DMD: variants seen among roughly 807,000 people sequenced by gnomAD.
DMD encodes the protein mutant dystrophin.
DMD carries 63 observed loss-of-function variants against 330.1 expected under a neutral mutation model. The observed-to-expected ratio is 0.19, with a 90% CI of 0.16 to 0.24. The LOEUF (loss-of-function observed/expected upper bound fraction) is 0.24, where lower values mean the gene tolerates loss of function less well. DMD is among the 10% of genes least tolerant of loss of function. DMD has a pLI of 1.00. For synonymous variants in DMD, 1,223 were observed against 959.8 expected (o/e 1.27, Z -5.07); for missense variants, 3,344 against 2,684.1 (o/e 1.25, Z -5.43).
intron 53 of DMD, among the ~76,000 whole-genome samples, chrX:31,662,585 T>A (rs1196235852): frequency 1.8e-5 from 2 of 112,126 alleles, no homozygotes; most frequent in Admixed American, 9.5e-5. Flanking sequence ...TTGTTCCGGG[T>A]GAACTATTAC....
chrX:31,557,559 G>A (rs2074920117), intron 55 of DMD, among the ~76,000 whole-genome samples: 1 of 112,047 alleles, frequency 8.9e-6, no homozygotes, highest in South Asian at 3.7e-4. Flanking sequence ...GAGGCCAAGG[G>A]TTTTATCATT....
chrX:31,559,093 C>T (rs780176801), intron 55 of DMD, among the ~76,000 whole-genome samples: 1 of 112,277 alleles, frequency 8.9e-6, no homozygotes, highest in African/African-American at 3.2e-5. Flanking sequence ...CTTTCATCTA[C>T]AGTGATCTCT....
At chrX:32,555,345 G>A (rs1375633582) in intron 16 of DMD, among the ~76,000 whole-genome samples, 1 of 111,202 alleles carries the variant, frequency 9.0e-6, no homozygotes, top group Non-Finnish European at 1.9e-5. Context: ...ATCCAAATGG[G>A]CAAAAGCTAG....
At chrX:33,145,847 A>T (rs1480416207) in intron 1 of DMD, among the ~76,000 whole-genome samples, 2 of 110,570 alleles carry the variant, frequency 1.8e-5, no homozygotes, top group Admixed American at 9.8e-5. Context: ...TATATAGTAT[A>T]TTCACATAGT....
intron 7 of DMD, among the ~76,000 whole-genome samples, chrX:32,784,305 G>C (rs2075164745): frequency 9.0e-6 from 1 of 111,593 alleles, no homozygotes; most frequent in African/African-American, 3.3e-5. Flanking sequence ...AGTTTAAAGA[G>C]CATTTTCTCA....
chrX:31,341,870 T>C lies in DMD; in HGVS notation c.9163+6686A>G, dbSNP rs2470285. On this transcript the variant is annotated intron_variant, in intron 61 of 78. Transcript: ENST00000357033. ...AAACGTTTTACACTGTGATCTGGCG[T>C]GCGCGCGTGCGTGCGCGCGCGCACA... 4.5e-3 allele frequency among the ~76,000 whole-genome samples: 352 copies of C among 79,075 alleles called. 1 individual carries two copies. The highest frequency in any genetic ancestry group is 0.017 in the African/African-American group (336 of 19,724). 68.7% of individuals were successfully genotyped at this position (79,075 alleles called of 115,157 possible).
intron 2 of DMD, among the ~76,000 whole-genome samples, chrX:32,962,457 G>C (rs1213918040): frequency 9.0e-6 from 1 of 111,563 alleles, no homozygotes; most frequent in Non-Finnish European, 1.9e-5. Context: ...GTTGAGCATA[G>C]GGCTTTTTAT....
chrX:32,746,357 C>T (rs1278901359), intron 7 of DMD, among the ~76,000 whole-genome samples: 1 of 111,943 alleles, frequency 8.9e-6, no homozygotes, highest in East Asian at 2.8e-4. Context: ...AGAAAATCTA[C>T]ACCATCCAGC....
At chrX:32,373,105 G>A (rs1279205482) in intron 34 of DMD, among the ~76,000 whole-genome samples, 1 of 109,904 alleles carries the variant, frequency 9.1e-6, no homozygotes, top group Non-Finnish European at 1.9e-5. Flanking sequence ...CAAGTAGATG[G>A]TATCTTTAAA....
intron 1 of DMD, among the ~76,000 whole-genome samples, chrX:33,292,018 C>T (rs1169899646): frequency 9.0e-6 from 1 of 111,661 alleles, no homozygotes; most frequent in African/African-American, 3.2e-5. Flanking sequence ...TATTCCACTA[C>T]TAATACTGCA....
At chrX:33,338,174 A>G (rs1470784443) in intron 1 of DMD, among the ~76,000 whole-genome samples, 1 of 111,683 alleles carries the variant, frequency 9.0e-6, no homozygotes, top group Non-Finnish European at 1.9e-5. Flanking sequence ...AGATTATTTC[A>G]ATATGTTCAG....
intron 20 of DMD, among the ~76,000 whole-genome samples, 165 bp downstream of exon 20, chrX:32,491,112 A>C (rs1235273537): frequency 2.7e-5 from 3 of 112,814 alleles, no homozygotes; most frequent in Non-Finnish European, 5.6e-5. Flanking sequence ...TACGTCTTAC[A>C]TATTTAAACA....
intron 10 of DMD, among the ~76,000 whole-genome samples, chrX:32,644,662 A>C (rs1204945487): frequency 1.8e-5 from 2 of 110,644 alleles, no homozygotes; most frequent in African/African-American, 6.6e-5. Context: ...AAAGTCTCCC[A>C]CTGAGAGAAG....
intron 2 of DMD, among the ~76,000 whole-genome samples, chrX:32,991,435 A>C (rs1007927119): frequency 1.8e-5 from 2 of 112,119 alleles, no homozygotes; most frequent in Non-Finnish European, 3.8e-5. Context: ...AAAAACAAAA[A>C]ATGTTCTATA....
chrX:31,493,846 T>C (rs1261891663), intron 57 of DMD, among the ~76,000 whole-genome samples: 6 of 111,584 alleles, frequency 5.4e-5, no homozygotes, highest in Admixed American at 9.5e-5. Context: ...ATAACAATAG[T>C]AGACAGTCAA....
intron 60 of DMD, among the ~76,000 whole-genome samples, chrX:31,363,835 C>A (rs1354169968): frequency 8.9e-6 from 1 of 112,493 alleles, no homozygotes; most frequent in Non-Finnish European, 1.9e-5. Context: ...CACCTCCTCA[C>A]CAGTTGGGAC....
chrX:32,230,255 T>C (rs1172705711), intron 43 of DMD, among the ~76,000 whole-genome samples: 1 of 112,297 alleles, frequency 8.9e-6, no homozygotes, highest in African/African-American at 3.2e-5. Flanking sequence ...TTTTGTTTTG[T>C]TATTTTTGAG....
At chrX:32,703,519 C>A (rs773745610) in intron 7 of DMD, among the ~76,000 whole-genome samples, 1 of 111,638 alleles carries the variant, frequency 9.0e-6, no homozygotes, top group South Asian at 3.8e-4. Context: ...TTGTCATGTG[C>A]TATAGAATAT....
chrX:32,121,948 G>A (rs1383511194), intron 44 of DMD, among the ~76,000 whole-genome samples: 2 of 109,440 alleles, frequency 1.8e-5, no homozygotes, highest in Non-Finnish European at 1.9e-5. Context: ...GAATATGAGG[G>A]GGTAAGAGAA....
Sources: gnomAD v4.1 joint callset for allele counts (sites outside exome capture counted in the v4.1 genomes callset) on GRCh38, gnomAD v4.1.1 for gene constraint, MANE v1.5 for transcripts, NCBI Gene and HGNC (gene_info 2026-07-23, HGNC 2026-07-21) for gene names.